The following ST3GAL1 variants were observed in gnomAD, a reference collection of about 807,000 sequenced individuals.
ST3GAL1 encodes the protein CMP-N-acetylneuraminate-beta-galactosamide-alpha-2,3-sialyltransferase 1.
In ST3GAL1, 16 loss-of-function variants were observed where a neutral mutation model predicts 34.1. The ratio of observed to expected loss-of-function variants is 0.47; its 90% CI spans 0.32 to 0.71. The LOEUF (loss-of-function observed/expected upper bound fraction) is 0.71. ST3GAL1 is among the 30% of genes least tolerant of loss of function. The pLI, the probability that ST3GAL1 is intolerant of heterozygous loss-of-function variation, is 0.04. For missense variants in ST3GAL1, 353 were observed against 447.4 expected (o/e 0.79, Z 1.90); for synonymous variants, 191 against 184.7 (o/e 1.03, Z -0.28).
chr8:133,528,758 A>G (rs918894773), intron 2 of ST3GAL1, among the ~76,000 whole-genome samples: 20 of 152,228 alleles, frequency 1.3e-4, no homozygotes, highest in Admixed American at 6.5e-4. Context: ...CCTTTACAGA[A>G]AACATTTGCT....
At chr8:133,531,701 G>A (rs752527233) in intron 2 of ST3GAL1, among the ~76,000 whole-genome samples, 12 of 151,428 alleles carry the variant, frequency 7.9e-5, no homozygotes, top group Non-Finnish European at 1.6e-4. Context: ...AATAGCTAAT[G>A]CCTGCTTAAA....
chr8:133,481,642 C>T (rs979848000), intron 3 of ST3GAL1, among the ~76,000 whole-genome samples: 6 of 152,218 alleles, frequency 3.9e-5, no homozygotes, highest in Non-Finnish European at 8.8e-5. Flanking sequence ...ACTATGGGCA[C>T]ATGCCACCAT....
At chr8:133,470,606 G>A (rs1024488824) in intron 5 of ST3GAL1, among the ~76,000 whole-genome samples, 1 of 152,184 alleles carries the variant, frequency 6.6e-6, no homozygotes, top group Non-Finnish European at 1.5e-5. Context: ...TGGGAAGCAC[G>A]GGGCCTCGGG....
intron 7 of ST3GAL1, among the ~76,000 whole-genome samples, chr8:133,463,960 C>A (rs1815624889): frequency 6.6e-6 from 1 of 151,618 alleles, no homozygotes. Context: ...GGTCCCACCC[C>A]ACCCCACCCC....
chr8:133,464,346 G>A (rs956373366), intron 7 of ST3GAL1, among the ~76,000 whole-genome samples: 9 of 152,196 alleles, frequency 5.9e-5, no homozygotes, highest in Non-Finnish European at 1.2e-4. Context: ...GCCCTGGGGA[G>A]GGGCCCAGGC....
chr8:133,528,546 G>C (rs1467340892), intron 2 of ST3GAL1, among the ~76,000 whole-genome samples: 3 of 152,236 alleles, frequency 2.0e-5, no homozygotes, highest in African/African-American at 7.2e-5. Context: ...CCTACACTGA[G>C]TCAAGACCAG....
At chr8:133,521,162 C>T (rs1297464508) in intron 2 of ST3GAL1, among the ~76,000 whole-genome samples, 9 of 70,298 alleles carry the variant, frequency 1.3e-4, no homozygotes, top group Admixed American at 3.6e-4. Context: ...TTGAGACAGT[C>T]TTGCTCTGTT....
chr8:133,480,331 G>A (rs1048743695), intron 3 of ST3GAL1, among the ~76,000 whole-genome samples: 1 of 152,220 alleles, frequency 6.6e-6, no homozygotes, highest in African/African-American at 2.4e-5. Context: ...AGGGAGTTGA[G>A]GGGCAATGAC....
chr8:133,468,727 G>A (rs1354507013), intron 5 of ST3GAL1, among the ~76,000 whole-genome samples: 4 of 152,178 alleles, frequency 2.6e-5, no homozygotes, highest in Non-Finnish European at 5.9e-5. Context: ...CTGAATGTGC[G>A]GAAAACCCCC....
intron 2 of ST3GAL1, among the ~76,000 whole-genome samples, chr8:133,514,581 G>T (rs895151339): frequency 6.6e-6 from 1 of 152,098 alleles, no homozygotes; most frequent in Admixed American, 6.5e-5. Context: ...CTCCTAGTGG[G>T]ATGGTAAATG....
intron 1 of ST3GAL1, among the ~76,000 whole-genome samples, chr8:133,549,326 C>T (rs1347108011): frequency 5.3e-5 from 8 of 151,346 alleles, no homozygotes; most frequent in Admixed American, 3.3e-4. Context: ...CACTAGAACC[C>T]AGGAGGTGGA....
intron 3 of ST3GAL1, chr8:133,489,683 C>T (rs11996611): frequency 0.17 from 25,316 of 152,214 alleles, 2,564 homozygotes; most frequent in East Asian, 0.52. Flanking sequence ...GTCCCCCAAG[C>T]TCCCTGATGA....
At chr8:133,559,262 G>A (rs1425706036) in intron 1 of ST3GAL1, among the ~76,000 whole-genome samples, 3 of 152,054 alleles carry the variant, frequency 2.0e-5, no homozygotes, top group East Asian at 1.9e-4. Flanking sequence ...AGGACCTATC[G>A]ATGTCATTAA....
intron 2 of ST3GAL1, among the ~76,000 whole-genome samples, chr8:133,503,677 A>G (rs1334167320): frequency 6.6e-6 from 1 of 152,132 alleles, no homozygotes; most frequent in Non-Finnish European, 1.5e-5. Context: ...GCTCCACCCT[A>G]GGCCTTATCG....
chr8:133,514,447 T>TG (rs1394265064), intron 2 of ST3GAL1, among the ~76,000 whole-genome samples: 2 of 152,048 alleles, frequency 1.3e-5, no homozygotes, highest in Non-Finnish European at 2.9e-5. Flanking sequence ...TGGAAGAGAA[T>TG]GGAACAGGCA....
chr8:133,531,295 G>A (rs1321498099), intron 2 of ST3GAL1, among the ~76,000 whole-genome samples: 1 of 152,054 alleles, frequency 6.6e-6, no homozygotes, highest in East Asian at 1.9e-4. Context: ...TATACATTAT[G>A]TATGTGTACA....
At chr8:133,550,628 C>T (rs1363478422) in intron 1 of ST3GAL1, among the ~76,000 whole-genome samples, 1 of 152,218 alleles carries the variant, frequency 6.6e-6, no homozygotes, top group East Asian at 1.9e-4. Context: ...TAGCACCAAT[C>T]TAGGAGCCAA....
intron 1 of ST3GAL1, among the ~76,000 whole-genome samples, chr8:133,564,010 T>C (rs1819318703): frequency 1.3e-5 from 2 of 152,232 alleles, no homozygotes; most frequent in African/African-American, 2.4e-5. Context: ...ACTTTCAGAA[T>C]ATCCTGCCTC....
In ST3GAL1 at chr8:133,459,539, T is replaced by C; in HGVS notation, c.*225A>G. The C allele has an allele frequency of 2.3e-6, 1 of 441,864 alleles. No individual in the cohort carries two copies. Among genetic ancestry groups the C allele is most frequent in the South Asian group, 5.3e-5 (1 of 18,734 alleles). 27.4% of individuals were successfully genotyped at this position (441,864 alleles called of 1,614,324 possible). A position where few individuals can be genotyped will look rare whatever the true frequency, so the allele number is the denominator to read the frequency against. ...CTAGGGCAGCAGTGGGGGGACGTTG[T>C]CCCCACTCAAGACAGGTTCCAAGAC... On this transcript the variant is annotated 3_prime_UTR_variant, in exon 10 of 10. Coordinates refer to ENST00000522652, the MANE Select transcript of ST3GAL1 (RefSeq NM_173344.3). This position sits in a 1 kb window ranked among gnomAD's most constrained non-coding sequence, Gnocchi z 4.7.
Sources: gnomAD v4.1 joint callset for allele counts (sites outside exome capture counted in the v4.1 genomes callset) on GRCh38, gnomAD v4.1.1 for gene constraint, Gnocchi (gnomAD v3.1) non-coding constraint, MANE v1.5 for transcripts, NCBI Gene and HGNC (gene_info 2026-07-23, HGNC 2026-07-21) for gene names.